TENT2: variants seen among roughly 807,000 people sequenced by gnomAD.
TENT2 encodes the protein terminal nucleotidyltransferase 2.
Under a neutral mutation model 72.2 loss-of-function variants are expected in TENT2, and 44 were observed. The observed-to-expected ratio is 0.61, with a 90% CI of 0.48 to 0.78. The LOEUF is 0.78. Among genes scored for constraint, TENT2 ranks in the 30% least tolerant of loss-of-function variants. The probability of loss-of-function intolerance (pLI) is 0.00; values close to 1 mark genes in which losing one functional copy is unlikely to be tolerated. For synonymous variants in TENT2, 212 were observed against 192.5 expected (o/e 1.10, Z -0.84); for missense variants, 541 against 569.6 (o/e 0.95, Z 0.51).
intron 1 of TENT2, among the ~76,000 whole-genome samples, chr5:79,616,297 C>T (rs1759983860): frequency 1.4e-5 from 2 of 147,082 alleles, no homozygotes; most frequent in South Asian, 4.3e-4. Context: ...CTCCCAGGTA[C>T]AAGCGATTCT....
At chr5:79,644,525 T>C (rs1468533840) in intron 7 of TENT2, 1 of 152,298 alleles carries the variant, frequency 6.6e-6, no homozygotes, top group East Asian at 1.9e-4. Context: ...TTTTATTATA[T>C]GTTGTATATG....
At chr5:79,664,323 G>A (rs190789579) in intron 11 of TENT2, among the ~76,000 whole-genome samples, 8 of 152,200 alleles carry the variant, frequency 5.3e-5, no homozygotes, top group Admixed American at 4.6e-4. Context: ...TTAGCCAGCC[G>A]TGGTGGCTCA....
intron 11 of TENT2, among the ~76,000 whole-genome samples, chr5:79,665,113 CTT>C (rs1806405577): frequency 6.6e-6 from 1 of 152,188 alleles, no homozygotes; most frequent in Non-Finnish European, 1.5e-5. Context: ...ATTCAGATAT[CTT>C]TGCAGAAACT....
At chr5:79,668,043 A>G (rs1425917022) in intron 11 of TENT2, among the ~76,000 whole-genome samples, 1 of 151,868 alleles carries the variant, frequency 6.6e-6, no homozygotes, top group Non-Finnish European at 1.5e-5. Context: ...ATTATTTTCT[A>G]ATTGATGTAT....
intron 10 of TENT2, among the ~76,000 whole-genome samples, chr5:79,654,940 G>A (rs1216689850): frequency 6.6e-6 from 1 of 151,952 alleles, no homozygotes; most frequent in Admixed American, 6.6e-5. Context: ...GGAAACTATG[G>A]GCAAAGTAAA....
chr5:79,637,636 A>G (rs1781150432), intron 4 of TENT2, among the ~76,000 whole-genome samples: 1 of 151,990 alleles, frequency 6.6e-6, no homozygotes, highest in Non-Finnish European at 1.5e-5. Flanking sequence ...CATGTTACCA[A>G]GGCTTGTCTC....
intron 3 of TENT2, among the ~76,000 whole-genome samples, chr5:79,621,602 C>CA (rs1251631429): frequency 6.6e-6 from 1 of 151,434 alleles, no homozygotes; most frequent in Non-Finnish European, 1.5e-5. Context: ...ACTAAAAATA[C>CA]AAAAAATTAG....
intron 4 of TENT2, among the ~76,000 whole-genome samples, chr5:79,633,037 T>C (rs2150221123): frequency 6.6e-6 from 1 of 152,322 alleles, no homozygotes; most frequent in African/African-American, 2.4e-5. Context: ...CACAAAAACA[T>C]AGTAATTTAA....
intron 14 of TENT2, among the ~76,000 whole-genome samples, chr5:79,684,035 G>C (rs1212253440): frequency 6.6e-6 from 1 of 150,920 alleles, no homozygotes; most frequent in East Asian, 1.9e-4. Context: ...AATTAGCAAT[G>C]CTACATTGGT....
intron 12 of TENT2, among the ~76,000 whole-genome samples, chr5:79,671,716 C>A (rs531364794): frequency 1.3e-5 from 2 of 152,150 alleles, no homozygotes; most frequent in East Asian, 1.9e-4. Flanking sequence ...GCCAAAAGTT[C>A]TTTTTTCTGA....
chr5:79,664,625 T>C (rs1233808865), intron 11 of TENT2, among the ~76,000 whole-genome samples: 1 of 151,804 alleles, frequency 6.6e-6, no homozygotes, highest in Non-Finnish European at 1.5e-5. Context: ...TTAACAAATT[T>C]TGGTGGAGAT....
intron 4 of TENT2, among the ~76,000 whole-genome samples, chr5:79,626,625 A>ATTTT (rs564494148): frequency 1.5e-5 from 2 of 134,458 alleles, no homozygotes; most frequent in Non-Finnish European, 1.6e-5. Context: ...AATGTTTTTA[A>ATTTT]TTTTTTTTTT....
chr5:79,658,219 G>T (rs1452861041), intron 11 of TENT2, among the ~76,000 whole-genome samples: 3 of 152,010 alleles, frequency 2.0e-5, no homozygotes, highest in Admixed American at 6.6e-5. Context: ...CTATTATGAA[G>T]AATTATTATA....
At chr5:79,636,568 C>G (rs1439583868) in intron 4 of TENT2, among the ~76,000 whole-genome samples, 1 of 152,116 alleles carries the variant, frequency 6.6e-6, no homozygotes, top group Non-Finnish European at 1.5e-5. Context: ...ATTTAAAATT[C>G]TTCTGTCAGT....
intron 4 of TENT2, among the ~76,000 whole-genome samples, chr5:79,625,148 TA>T (rs1339572686): frequency 6.6e-6 from 1 of 152,222 alleles, no homozygotes; most frequent in Non-Finnish European, 1.5e-5. Context: ...CCCTAATGCC[TA>T]ATGATATTGA....
chr5:79,675,060 G>C (rs934947887), intron 12 of TENT2, among the ~76,000 whole-genome samples: 8 of 152,124 alleles, frequency 5.3e-5, no homozygotes, highest in Non-Finnish European at 7.4e-5. Context: ...ATTCAATATG[G>C]ATAATGTAAC....
chr5:79,674,753 A>G (rs1399172882), intron 12 of TENT2, among the ~76,000 whole-genome samples: 2 of 152,220 alleles, frequency 1.3e-5, no homozygotes, highest in Non-Finnish European at 2.9e-5. Context: ...TTCATAATAC[A>G]TAGATGATAT....
intron 11 of TENT2, among the ~76,000 whole-genome samples, chr5:79,666,203 G>T (rs1463011565): frequency 6.6e-6 from 1 of 150,892 alleles, no homozygotes; most frequent in East Asian, 1.9e-4. Context: ...TGGCCAGGCT[G>T]GTCTCGAACT....
At chr5:79,613,471 A>G (rs956150684) in intron 1 of TENT2, among the ~76,000 whole-genome samples, 5 of 152,242 alleles carry the variant, frequency 3.3e-5, no homozygotes, top group African/African-American at 7.2e-5. Flanking sequence ...TTTTTATATT[A>G]CAGGTAACAT....
Sources: allele counts gnomAD v4.1 joint callset (sites outside exome capture counted in the v4.1 genomes callset), GRCh38; gene constraint gnomAD v4.1.1; transcripts MANE v1.5; gene names NCBI Gene and HGNC (gene_info 2026-07-23, HGNC 2026-07-21).